SLC71A2: variants seen among roughly 807,000 people sequenced by gnomAD.
SLC71A2 encodes hippocampus abundant transcript-like 1.
the SLC71A2 span, chr9:94,460,652 AATATATGTAG>A: frequency 1.3e-5 from 2 of 150,462 alleles, no homozygotes; most frequent in African/African-American, 4.9e-5. Flanking sequence ...ATAGGTATGA[AATATATGTAG>A]ATATTTGTAA....
the SLC71A2 span, chr9:94,456,251 C>T: frequency 6.2e-7 from 1 of 1,613,888 alleles, no homozygotes; most frequent in Non-Finnish European, 8.5e-7. Flanking sequence ...ATGATGTGGG[C>T]AGCAGGGACC....
the SLC71A2 span, among the ~76,000 whole-genome samples, chr9:94,452,065 C>T: frequency 6.6e-6 from 1 of 152,240 alleles, no homozygotes; most frequent in Non-Finnish European, 1.5e-5. Flanking sequence ...ACTTTCCCTA[C>T]TTTTTAGAAT....
the SLC71A2 span, among the ~76,000 whole-genome samples, chr9:94,396,483 T>C: frequency 6.6e-6 from 1 of 152,218 alleles, no homozygotes; most frequent in African/African-American, 2.4e-5. Flanking sequence ...CCATTGCACT[T>C]CAGCCTGGGC....
the SLC71A2 span, among the ~76,000 whole-genome samples, chr9:94,401,816 G>GT: frequency 6.6e-6 from 1 of 152,042 alleles, no homozygotes; most frequent in East Asian, 1.9e-4. Context: ...GTGAAAGCAA[G>GT]TTTATTAGGA....
the SLC71A2 span, among the ~76,000 whole-genome samples, chr9:94,449,610 A>G: frequency 6.6e-6 from 1 of 152,252 alleles, no homozygotes; most frequent in African/African-American, 2.4e-5. Context: ...CGGAGCCCTC[A>G]TACTTGCTGG....
At chr9:94,446,892 C>G in the SLC71A2 span, 1 of 1,612,338 alleles carries the variant, frequency 6.2e-7, no homozygotes, top group Non-Finnish European at 8.5e-7. Flanking sequence ...TTCATACCTT[C>G]CTGAAGCTGG....
At chr9:94,458,516 C>CA in the SLC71A2 span, 2 of 1,549,184 alleles carry the variant, frequency 1.3e-6, no homozygotes, top group African/African-American at 2.7e-5. Context: ...ATGATTATAG[C>CA]AAAATCTTGT....
At chr9:94,406,509 G>T in the SLC71A2 span, among the ~76,000 whole-genome samples, 1 of 152,128 alleles carries the variant, frequency 6.6e-6, no homozygotes, top group South Asian at 2.1e-4. Flanking sequence ...AAAATGCTGG[G>T]ATTACAGGAG....
At chr9:94,436,001 A>G in the SLC71A2 span, among the ~76,000 whole-genome samples, 2 of 152,096 alleles carry the variant, frequency 1.3e-5, no homozygotes, top group Non-Finnish European at 2.9e-5. Flanking sequence ...CACTTGACCT[A>G]GCATAGTTTT....
At chr9:94,451,507 A>G in the SLC71A2 span, 1 of 1,568,166 alleles carries the variant, frequency 6.4e-7, no homozygotes, top group Non-Finnish European at 8.7e-7. Context: ...TATGGTAGGA[A>G]TTCTGTCTAT....
At chr9:94,432,741 A>G in the SLC71A2 span, 6 of 349,286 alleles carry the variant, frequency 1.7e-5, no homozygotes, top group East Asian at 6.9e-5. Flanking sequence ...CTATGCACAG[A>G]TAAGTCAACC....
chr9:94,387,435 T>TG, the SLC71A2 span, among the ~76,000 whole-genome samples: 2 of 152,188 alleles, frequency 1.3e-5, no homozygotes, highest in Non-Finnish European at 2.9e-5. Flanking sequence ...CTATTTTTTT[T>TG]TTAAGAATTG....
the SLC71A2 span, among the ~76,000 whole-genome samples, chr9:94,442,277 A>C: frequency 6.6e-6 from 1 of 152,218 alleles, no homozygotes; most frequent in Admixed American, 6.5e-5. Context: ...AATGATGGGC[A>C]TATAAATGGG....
the SLC71A2 span, among the ~76,000 whole-genome samples, chr9:94,399,655 C>G: frequency 2.6e-5 from 4 of 152,178 alleles, no homozygotes. Flanking sequence ...ATACATGGTT[C>G]CAGAATTGTT....
At chr9:94,418,146 C>G in the SLC71A2 span, among the ~76,000 whole-genome samples, 1 of 152,208 alleles carries the variant, frequency 6.6e-6, no homozygotes, top group Admixed American at 6.5e-5. Context: ...CAGGCATGAG[C>G]CACCGTGCCT....
the SLC71A2 span, among the ~76,000 whole-genome samples, chr9:94,430,011 AT>A: frequency 1.8e-3 from 269 of 149,428 alleles, no homozygotes; most frequent in African/African-American, 6.3e-3. Flanking sequence ...GGTTCAAGCA[AT>A]TCTCCTGCCT....
chr9:94,451,446 ATT>A, the SLC71A2 span: 4 of 1,453,704 alleles, frequency 2.8e-6, no homozygotes, highest in African/African-American at 5.8e-5. Flanking sequence ...TTTTCATTTC[ATT>A]TCCATAGGTC....
chr9:94,424,247 G>C, the SLC71A2 span, among the ~76,000 whole-genome samples: 6 of 151,718 alleles, frequency 4.0e-5, no homozygotes, highest in Non-Finnish European at 8.8e-5. Context: ...TTTGGCGGAG[G>C]GGGGAGCAAT....
the SLC71A2 span, among the ~76,000 whole-genome samples, chr9:94,395,276 A>AT: frequency 2.0e-5 from 3 of 152,142 alleles, no homozygotes; most frequent in South Asian, 4.1e-4. Flanking sequence ...TTAGAATCAT[A>AT]TTTTTTTGCT....
Sources: allele counts gnomAD v4.1 joint callset (sites outside exome capture counted in the v4.1 genomes callset), GRCh38; gene constraint gnomAD v4.1.1; transcripts MANE v1.5; gene names NCBI Gene and HGNC (gene_info 2026-07-23, HGNC 2026-07-21).